Variants in ATRNL1 observed in about 807,000 individuals in gnomAD.
ATRNL1 encodes the protein attractin-like protein 1.
A neutral mutation model predicts 182.7 loss-of-function variants in ATRNL1; 95 were observed. The observed-to-expected ratio is 0.52, with a 90% CI of 0.44 to 0.62. ATRNL1 has a LOEUF of 0.62. ATRNL1 is among the 20% of genes least tolerant of loss of function. The pLI is 0.00. For synonymous variants in ATRNL1, 576 were observed against 568.3 expected, an observed-to-expected ratio of 1.01 and a Z score of -0.19; for missense variants, 1,471 against 1,679.5, an observed-to-expected ratio of 0.88 and a Z score of 2.17.
At chr10:115,473,113 G>A (rs1038303928) in intron 24 of ATRNL1, among the ~76,000 whole-genome samples, 1 of 151,084 alleles carries the variant, frequency 6.6e-6, no homozygotes, top group Non-Finnish European at 1.5e-5. Context: ...TATAATTTTT[G>A]TCCTTCATTC....
chr10:115,279,865 G>A (rs559024417), intron 13 of ATRNL1, among the ~76,000 whole-genome samples: 1 of 152,220 alleles, frequency 6.6e-6, no homozygotes, highest in South Asian at 2.1e-4. Flanking sequence ...ACATGGAGTT[G>A]CTCACATATA....
intron 26 of ATRNL1, among the ~76,000 whole-genome samples, chr10:115,617,370 G>GTTTTTTTT (rs34363986): frequency 3.4e-5 from 5 of 148,834 alleles, no homozygotes; most frequent in African/African-American, 9.8e-5. Flanking sequence ...TTTGTTTTTT[G>GTTTTTTTT]TTTTTTTTTA....
intron 21 of ATRNL1, among the ~76,000 whole-genome samples, chr10:115,445,524 TGTG>T: frequency 6.8e-6 from 1 of 146,816 alleles, no homozygotes; most frequent in Non-Finnish European, 1.5e-5. Flanking sequence ...TGTGTGTGTG[TGTG>T]TGTGTGTGTG....
chr10:115,747,030 G>C (rs1555069345), intron 27 of ATRNL1, among the ~76,000 whole-genome samples: 1 of 152,048 alleles, frequency 6.6e-6, no homozygotes, highest in Admixed American at 6.6e-5. Context: ...TTAAGATAAC[G>C]CTGTTAAAGT....
intron 27 of ATRNL1, among the ~76,000 whole-genome samples, chr10:115,729,495 T>TTGTGTGTGTGTGTGTGTGTGTGTG (rs139166434): frequency 2.1e-5 from 3 of 142,162 alleles, no homozygotes; most frequent in South Asian, 2.3e-4. Flanking sequence ...CTACCCCATT[T>TTGTGTGTGTGTGTGTGTGTGTGTG]TGTGTGTGTG....
At chr10:115,920,970 C>T (rs1424616008) in intron 28 of ATRNL1, among the ~76,000 whole-genome samples, 1 of 152,098 alleles carries the variant, frequency 6.6e-6, no homozygotes, top group African/African-American at 2.4e-5. Flanking sequence ...AGAAATAGTA[C>T]AATAACAGAA....
At chr10:115,327,421 A>G (rs1554933708) in intron 18 of ATRNL1, among the ~76,000 whole-genome samples, 1 of 152,212 alleles carries the variant, frequency 6.6e-6, no homozygotes, top group African/African-American at 2.4e-5. Flanking sequence ...GCAGTCATTC[A>G]AAAGTCAGGA....
chr10:115,568,066 C>T (rs546534711), intron 26 of ATRNL1, among the ~76,000 whole-genome samples: 6 of 152,050 alleles, frequency 3.9e-5, no homozygotes, highest in African/African-American at 1.4e-4. Flanking sequence ...ATGAAGGTGA[C>T]TTTGATGCTG....
In ATRNL1 at chr10:115,295,904, A is replaced by G. The variant is rs1853162602; in HGVS notation, c.2416-4130A>G. On this transcript the variant is annotated intron_variant, in intron 15 of 28. Coordinates refer to ENST00000355044, the MANE Select transcript of ATRNL1 (RefSeq NM_207303.4). ...GCAGTACTGGAGAGATGCAGAGGCT[A>G]CTGGACACTTGAGCAAGGTACACTC... Among the ~76,000 whole-genome samples the G allele has an allele frequency of 2.6e-5, 4 of 152,150 alleles. No individual in the cohort carries two copies. In the South Asian group the frequency reaches 8.3e-4, roughly 32 times the overall value.
chr10:115,681,900 A>G (rs782252908), intron 26 of ATRNL1, among the ~76,000 whole-genome samples: 2 of 152,194 alleles, frequency 1.3e-5, no homozygotes, highest in Non-Finnish European at 2.9e-5. Flanking sequence ...TGAAAGAAAT[A>G]TAGGTAATTT....
intron 25 of ATRNL1, among the ~76,000 whole-genome samples, chr10:115,539,393 T>A: frequency 6.6e-6 from 1 of 152,192 alleles, no homozygotes; most frequent in Non-Finnish European, 1.5e-5. Context: ...CCATGAAACC[T>A]GGACAAAATT....
intron 25 of ATRNL1, among the ~76,000 whole-genome samples, chr10:115,536,209 C>G (rs759475712): frequency 2.0e-5 from 3 of 152,122 alleles, no homozygotes; most frequent in Non-Finnish European, 2.9e-5. Flanking sequence ...GCCCTGCCCC[C>G]AGAGGTGGAG....
At chr10:115,616,068 C>T (rs1171401394) in intron 26 of ATRNL1, among the ~76,000 whole-genome samples, 2 of 152,028 alleles carry the variant, frequency 1.3e-5, no homozygotes, top group Non-Finnish European at 2.9e-5. Context: ...TTGTTATAAC[C>T]AAAATGATAA....
chr10:115,339,027 A>C (rs1370957515), intron 19 of ATRNL1, among the ~76,000 whole-genome samples: 1 of 152,056 alleles, frequency 6.6e-6, no homozygotes, highest in Non-Finnish European at 1.5e-5. Context: ...AAATGAATTC[A>C]CTGTAGCTGT....
At chr10:115,907,212 C>T (rs1421296465) in intron 28 of ATRNL1, among the ~76,000 whole-genome samples, 2 of 152,226 alleles carry the variant, frequency 1.3e-5, no homozygotes, top group Non-Finnish European at 2.9e-5. Flanking sequence ...CATTCTGCCT[C>T]CCATTAATGA....
chr10:115,647,032 A>G (rs376843920), intron 26 of ATRNL1, among the ~76,000 whole-genome samples: 3 of 141,658 alleles, frequency 2.1e-5, no homozygotes, highest in African/African-American at 2.6e-5. Context: ...ATTCCCACCT[A>G]TGAGTGAGAA....
Position 115,816,285 on chromosome 10 carries a change from TCTTTTGGCTGTTA to T in ATRNL1, c.3904-31589_3904-31577del, listed in dbSNP as rs1950162903. ...GACTGCCTACATTGTATCACTAAGT[TCTTTTGGCTGTTA>T]CTCCACGGGAATGTTGCTAAACAAT... is the stretch of plus-strand genomic sequence containing the variant. On this transcript the variant is annotated intron_variant, in intron 27 of 28. Coordinates refer to ENST00000355044, the MANE Select transcript of ATRNL1 (RefSeq NM_207303.4). Among the ~76,000 whole-genome samples, 5 of 152,138 alleles carry T rather than the reference TCTTTTGGCTGTTA, an allele frequency of 3.3e-5. No individual in the cohort carries two copies. In the South Asian group the frequency reaches 8.3e-4, roughly 25 times the overall value.
intron 27 of ATRNL1, among the ~76,000 whole-genome samples, chr10:115,745,424 T>C (rs2907540): frequency 0.95 from 144,638 of 152,214 alleles, 69,134 homozygotes; most frequent in East Asian, 1. Context: ...TAAATAAAGC[T>C]ATCATTAATG....
intron 26 of ATRNL1, among the ~76,000 whole-genome samples, chr10:115,586,969 AACAG>A (rs1855551607): frequency 7.3e-6 from 1 of 136,736 alleles, no homozygotes; most frequent in African/African-American, 2.6e-5. Context: ...TTTTCCTTCT[AACAG>A]ACAGGACCCT....
Sources: gnomAD v4.1 joint callset for allele counts (sites outside exome capture counted in the v4.1 genomes callset) on GRCh38, gnomAD v4.1.1 for gene constraint, MANE v1.5 for transcripts, NCBI Gene and HGNC (gene_info 2026-07-23, HGNC 2026-07-21) for gene names.